The following SEMA6A variants were observed in gnomAD, a reference collection of about 807,000 sequenced individuals.
SEMA6A encodes semaphorin 6A.
In SEMA6A, 25 loss-of-function variants were observed where a neutral mutation model predicts 96.8. That is an observed-to-expected ratio of 0.26 (90% CI 0.19 to 0.36). The LOEUF (loss-of-function observed/expected upper bound fraction) is 0.36, where lower values mean the gene tolerates loss of function less well. SEMA6A is among the 10% of genes least tolerant of loss of function. The probability of loss-of-function intolerance (pLI) is 1.00; values close to 1 mark genes in which losing one functional copy is unlikely to be tolerated. For synonymous variants in SEMA6A, 612 were observed against 518.0 expected (o/e 1.18, Z -2.46); for missense variants, 1,363 against 1,323.1 (o/e 1.03, Z -0.47).
chr5:116,507,949 T>C (rs1758226114), intron 1 of SEMA6A: 1 of 152,222 alleles, frequency 6.6e-6, no homozygotes, highest in East Asian at 1.9e-4. Context: ...AGGCATCTGC[T>C]TGGTGAATTT....
chr5:116,466,006 G>A (rs27644), intron 18 of SEMA6A, among the ~76,000 whole-genome samples: 70,495 of 146,550 alleles, frequency 0.48, 17,528 homozygotes, highest in Non-Finnish European at 0.56. Flanking sequence ...TCTCGGGATG[G>A]AAAGAGCAGG....
intron 1 of SEMA6A, among the ~76,000 whole-genome samples, chr5:116,510,051 ACT>A (rs1218796454): frequency 2.0e-5 from 3 of 152,098 alleles, no homozygotes; most frequent in South Asian, 2.1e-4. Context: ...GGTAGAACGA[ACT>A]CTCTTCCATG....
intron 3 of SEMA6A, among the ~76,000 whole-genome samples, chr5:116,498,267 CAGGA>C (rs1397731153): frequency 3.9e-5 from 6 of 152,148 alleles, no homozygotes; most frequent in African/African-American, 1.4e-4. Flanking sequence ...CTCTAAAATG[CAGGA>C]AGTCCTGGGG....
chr5:116,478,399 T>C (rs2112687820), intron 13 of SEMA6A, 143 bp downstream of exon 13: 1 of 928,140 alleles, frequency 1.1e-6, no homozygotes, highest in Middle Eastern at 3.4e-4. Context: ...ATAATGCTTT[T>C]TAGGTGTTAA....
At position 116,446,629 on chromosome 5, in the gene SEMA6A, T is replaced by C. The variant is rs747687876; in HGVS notation, c.3077A>G (p.Asn1026Ser). The stretch of plus-strand genomic sequence containing the variant: ...CCCCTGGGATTATGTACACGCATCA[T>C]TGGGCTTCATGGATGTGGAAAGGGG... Reference protein sequence around the residue: ...FAPLSTSMKPNDACT With the variant: ...FAPLSTSMKPSDACT Residue 1026 changes from asparagine to serine, a missense_variant, in exon 19 of 19, where the codon AAT (asparagine) becomes AGT (serine). By Grantham distance (46) the Asn-to-Ser change is conservative. Around this residue, in one of 2 missense-constraint regions of SEMA6A, gnomAD observed 883 missense variants for 763.6 expected, o/e 1.16. Coordinates refer to ENST00000343348, the MANE Select transcript of SEMA6A (RefSeq NM_020796.5). 23 of 1,510,686 alleles carry C rather than the reference T, an allele frequency of 1.5e-5. No homozygotes were observed. The highest frequency in any genetic ancestry group is 8.2e-5 in the South Asian group (6 of 73,608). The allele number at this position is 1,510,686 out of a possible 1,614,324, so 93.6% of individuals were successfully genotyped here.
In SEMA6A at chr5:116,478,002, C is replaced by CAA; in HGVS notation, c.1568+10_1568+11dup. 1 of 1,613,912 alleles carries CAA rather than the reference C, an allele frequency of 6.2e-7. No homozygotes were observed. Among genetic ancestry groups the CAA allele is most frequent in the Non-Finnish European group, 8.5e-7 (1 of 1,179,846 alleles). Reference sequence around the variant, plus strand: ...ATGGACTTTCTAATTGTCAATGAGGCAAAATACATACTTTTTACACTTCCC... The same window carrying CAA: ...ATGGACTTTCTAATTGTCAATGAGGCAAAAAATACATACTTTTTACACTTCCC... On this transcript the variant is annotated intron_variant, in intron 14 of 18. Coordinates refer to ENST00000343348, the MANE Select transcript of SEMA6A (RefSeq NM_020796.5).
At chr5:116,525,042 T>A (rs1759159117) in intron 1 of SEMA6A, among the ~76,000 whole-genome samples, 1 of 152,228 alleles carries the variant, frequency 6.6e-6, no homozygotes, top group Non-Finnish European at 1.5e-5. Flanking sequence ...TCTTTATTCC[T>A]GGAGCAAGGA....
intron 1 of SEMA6A, among the ~76,000 whole-genome samples, chr5:116,516,488 AG>A (rs1758674810): frequency 6.6e-6 from 1 of 152,110 alleles, no homozygotes; most frequent in Admixed American, 6.5e-5. Context: ...TAGATATTTC[AG>A]GTTTTTTTTT....
chr5:116,493,485 A>T (rs916606740), intron 6 of SEMA6A, among the ~76,000 whole-genome samples: 13 of 152,180 alleles, frequency 8.5e-5, no homozygotes, highest in Admixed American at 3.3e-4. Flanking sequence ...TGTATGTATT[A>T]ATTAATTTTG....
chr5:116,482,797 A>C (rs940950625), intron 10 of SEMA6A, among the ~76,000 whole-genome samples: 1 of 152,226 alleles, frequency 6.6e-6, no homozygotes, highest in Non-Finnish European at 1.5e-5. Flanking sequence ...AAGCTCACAG[A>C]GAGGAAAAAA....
In SEMA6A at chr5:116,510,603, T is replaced by G. The variant is rs1758360126; in HGVS notation, c.-38-5621A>C. Reference sequence around the variant, plus strand: ...TCAGCTGAGACACTAAAAATTACTTTTTAATAGCTTTTCTTGGACTCCTTA... The same window carrying G: ...TCAGCTGAGACACTAAAAATTACTTGTTAATAGCTTTTCTTGGACTCCTTA... On this transcript the variant is annotated intron_variant, in intron 1 of 18. Coordinates refer to ENST00000343348, the MANE Select transcript of SEMA6A (RefSeq NM_020796.5). Among the ~76,000 whole-genome samples the G allele has an allele frequency of 1.3e-5, 2 of 152,156 alleles. 1 individual carries two copies.
In SEMA6A at chr5:116,475,615, G is replaced by A. The variant is rs748253221; in HGVS notation, c.1650-12C>T. On this transcript the variant is annotated splice_polypyrimidine_tract_variant and intron_variant, in intron 15 of 18. Transcript: ENST00000343348. ...GCTCAAAAGTCAGTCTTTTAAAAAAGGAAGGGAAAGAGAGACAGAAATGAA... is the reference window on the plus strand; with the variant it reads ...GCTCAAAAGTCAGTCTTTTAAAAAAAGAAGGGAAAGAGAGACAGAAATGAA... 14 of 1,585,810 alleles carry A rather than the reference G, an allele frequency of 8.8e-6. No homozygotes were observed. In the East Asian group the frequency reaches 3.2e-4, roughly 36 times the overall value.
chr5:116,472,520 C>G (rs1756208555), intron 17 of SEMA6A: 2 of 176,504 alleles, frequency 1.1e-5, no homozygotes, highest in Non-Finnish European at 2.4e-5. Context: ...GGATGGTGAA[C>G]TGTATCAGCT....
At chr5:116,459,068 G>A (rs1755202928) in intron 18 of SEMA6A, among the ~76,000 whole-genome samples, 1 of 152,078 alleles carries the variant, frequency 6.6e-6, no homozygotes, top group Non-Finnish European at 1.5e-5. Flanking sequence ...AAAATAAACA[G>A]TGGCATCCTG....
At chr5:116,488,312 G>A (rs1757163528) in intron 8 of SEMA6A, 116 bp from the exon 9 acceptor site, 1 of 675,710 alleles carries the variant, frequency 1.5e-6, no homozygotes, top group African/African-American at 1.8e-5. Context: ...TAGACATTTG[G>A]TTAACACTAA....
At chr5:116,537,647 A>C (rs1180873248) in intron 1 of SEMA6A, among the ~76,000 whole-genome samples, 4 of 152,344 alleles carry the variant, frequency 2.6e-5, no homozygotes, top group African/African-American at 7.2e-5. Context: ...TTGAACAAAG[A>C]GCCAACATTA....
At chr5:116,510,775 G>A (rs1020555772) in intron 1 of SEMA6A, among the ~76,000 whole-genome samples, 4 of 151,950 alleles carry the variant, frequency 2.6e-5, no homozygotes, top group Non-Finnish European at 4.4e-5. Flanking sequence ...ACTTGGAGAG[G>A]CTGGAAAGTT....
At chr5:116,461,112 T>TACCA (rs1755368360) in intron 18 of SEMA6A, among the ~76,000 whole-genome samples, 1 of 152,166 alleles carries the variant, frequency 6.6e-6, no homozygotes, top group Admixed American at 6.5e-5. Context: ...TCAGCAACAA[T>TACCA]ACCAGCTTAT....
intron 10 of SEMA6A, among the ~76,000 whole-genome samples, chr5:116,484,517 T>G (rs1210305225): frequency 6.6e-6 from 1 of 151,542 alleles, no homozygotes; most frequent in Non-Finnish European, 1.5e-5. Context: ...AATATAAGAA[T>G]AATGACAAAA....
Sources: gnomAD v4.1 joint callset for allele counts (sites outside exome capture counted in the v4.1 genomes callset) on GRCh38, gnomAD v4.1.1 for gene constraint, gnomAD v4.1.1 regional missense constraint, MANE v1.5 for transcripts, NCBI Gene and HGNC (gene_info 2026-07-23, HGNC 2026-07-21) for gene names.